The following ATE1 variants were observed in gnomAD, a reference collection of about 807,000 sequenced individuals.
ATE1 encodes the protein arginyl-tRNA--protein transferase 1.
A neutral mutation model predicts 70.5 loss-of-function variants in ATE1; 36 were observed. The ratio of observed to expected loss-of-function variants is 0.51; its 90% CI spans 0.39 to 0.67. ATE1 has a LOEUF of 0.67. Among genes scored for constraint, ATE1 ranks in the 30% least tolerant of loss-of-function variants. The pLI is 0.00. For missense variants in ATE1, 593 were observed against 629.5 expected (o/e 0.94, Z 0.62); for synonymous variants, 232 against 219.3 (o/e 1.06, Z -0.51).
chr10:121,885,700 G>A (rs1384729565), intron 7 of ATE1, among the ~76,000 whole-genome samples: 1 of 152,028 alleles, frequency 6.6e-6, no homozygotes, highest in East Asian at 1.9e-4. Flanking sequence ...CAGAGTTCCT[G>A]ACCAGGTTGG....
At chr10:121,810,020 G>A (rs1947257923) in intron 10 of ATE1, among the ~76,000 whole-genome samples, 4 of 152,154 alleles carry the variant, frequency 2.6e-5, no homozygotes, top group African/African-American at 9.7e-5. Context: ...CTGAACCAGT[G>A]ATGTCCAATT....
chr10:121,906,520 C>T (rs888710557), intron 5 of ATE1, among the ~76,000 whole-genome samples: 3 of 137,024 alleles, frequency 2.2e-5, no homozygotes, highest in African/African-American at 7.6e-5. Flanking sequence ...CAGAGTAAGA[C>T]CCTGTCTCAA....
intron 3 of ATE1, among the ~76,000 whole-genome samples, chr10:121,915,616 G>A (rs1951618111): frequency 6.6e-6 from 1 of 152,056 alleles, no homozygotes; most frequent in Non-Finnish European, 1.5e-5. Context: ...GAGGCCGGGC[G>A]CCGTGGCTCA....
chr10:121,743,425 C>T lies in ATE1; in HGVS notation c.*255G>A. On this transcript the variant is annotated 3_prime_UTR_variant, in exon 12 of 12. Coordinates refer to ENST00000224652, the MANE Select transcript of ATE1 (RefSeq NM_001001976.3). ...AACAGGAGAATTTGAGCGTATCTTG[C>T]TCTAGAAAGAATCCTCCAAAATGAT... 1 of 540,846 alleles carries T rather than the reference C, an allele frequency of 1.8e-6. No homozygotes were observed. Among genetic ancestry groups the T allele is most frequent in the Non-Finnish European group, 2.6e-6 (1 of 380,678 alleles). 33.5% of individuals were successfully genotyped at this position (540,846 alleles called of 1,614,324 possible).
chr10:121,806,253 A>T (rs1947091233), intron 10 of ATE1, among the ~76,000 whole-genome samples: 1 of 152,174 alleles, frequency 6.6e-6, no homozygotes, highest in African/African-American at 2.4e-5. Context: ...GGAGTTCGAG[A>T]CCAATCTGGC....
At chr10:121,837,847 C>T (rs560817402) in intron 9 of ATE1, among the ~76,000 whole-genome samples, 25 of 152,228 alleles carry the variant, frequency 1.6e-4, no homozygotes, top group East Asian at 3.9e-4. Flanking sequence ...CACAAGCAAG[C>T]GTAAGACCAC....
chr10:121,851,087 T>C (rs1164618307), intron 8 of ATE1, among the ~76,000 whole-genome samples: 1 of 47,582 alleles, frequency 2.1e-5, no homozygotes, highest in African/African-American at 9.4e-5. Context: ...CGAGACTCCA[T>C]CTCAAAAAAA....
intron 11 of ATE1, among the ~76,000 whole-genome samples, chr10:121,781,679 G>A (rs1410067534): frequency 6.6e-6 from 1 of 152,230 alleles, no homozygotes; most frequent in Non-Finnish European, 1.5e-5. Flanking sequence ...AGCTAAGACA[G>A]TCTCCTTAAC....
intron 10 of ATE1, among the ~76,000 whole-genome samples, chr10:121,831,469 T>C (rs1948234542): frequency 6.6e-6 from 1 of 152,162 alleles, no homozygotes. Flanking sequence ...CTCCCTCCTC[T>C]GCACTCGTGT....
At chr10:121,818,063 AG>A (rs1947629753) in intron 10 of ATE1, among the ~76,000 whole-genome samples, 1 of 152,094 alleles carries the variant, frequency 6.6e-6, no homozygotes, top group East Asian at 1.9e-4. Context: ...CAGGAATTCA[AG>A]ACCAGCCTGG....
rs980265811 is a variant in ATE1, at chr10:121,765,794, T to C, written c.1379-21936A>G. Among the ~76,000 whole-genome samples, 8 of 152,226 alleles carry C rather than the reference T, an allele frequency of 5.3e-5. 1 individual carries two copies. Among genetic ancestry groups the C allele is most frequent in the African/African-American group, 1.9e-4 (8 of 41,452 alleles). On this transcript the variant is annotated intron_variant, in intron 11 of 11. Coordinates refer to ENST00000224652, the MANE Select transcript of ATE1 (RefSeq NM_001001976.3). ...TGTCACTTTATATCTTAGTGCAATA[T>C]TCTGATTCACTATTTTGGTATTAGA...
intron 8 of ATE1, chr10:121,846,658 T>C (rs1364605875): frequency 5.3e-5 from 8 of 152,128 alleles, no homozygotes; most frequent in Non-Finnish European, 5.9e-5. Context: ...ACAGATTTCT[T>C]TGTTCCTTCT....
intron 10 of ATE1, among the ~76,000 whole-genome samples, chr10:121,813,695 A>G (rs1263980801): frequency 6.6e-6 from 1 of 152,188 alleles, no homozygotes; most frequent in African/African-American, 2.4e-5. Flanking sequence ...AGAGATCATA[A>G]TTCAAGAACT....
At chr10:121,784,892 A>G (rs1342475655) in intron 11 of ATE1, among the ~76,000 whole-genome samples, 1 of 152,146 alleles carries the variant, frequency 6.6e-6, no homozygotes, top group Non-Finnish European at 1.5e-5. Context: ...AATACAATAG[A>G]GTGATATTTT....
intron 3 of ATE1, among the ~76,000 whole-genome samples, chr10:121,918,288 G>A (rs1427500524): frequency 6.7e-6 from 1 of 150,328 alleles, no homozygotes; most frequent in Non-Finnish European, 1.5e-5. Flanking sequence ...AGCAGAGATC[G>A]CGCCACTGCA....
At chr10:121,795,611 T>C (rs1446624212) in intron 10 of ATE1, among the ~76,000 whole-genome samples, 1 of 152,220 alleles carries the variant, frequency 6.6e-6, no homozygotes, top group Non-Finnish European at 1.5e-5. Context: ...AATCACGTTT[T>C]TAGACTAGGT....
At chr10:121,886,300 A>AAG (rs1015720282) in intron 7 of ATE1, among the ~76,000 whole-genome samples, 2 of 151,766 alleles carry the variant, frequency 1.3e-5, no homozygotes, top group Non-Finnish European at 2.9e-5. Flanking sequence ...GATTTAAAAA[A>AAG]AAAAAAAACC....
intron 5 of ATE1, among the ~76,000 whole-genome samples, chr10:121,905,292 T>A (rs939131530): frequency 6.6e-6 from 1 of 152,244 alleles, no homozygotes; most frequent in East Asian, 1.9e-4. Flanking sequence ...AATAATGTTT[T>A]ACCTATATAA....
At chr10:121,820,861 C>T (rs560949820) in intron 10 of ATE1, among the ~76,000 whole-genome samples, 1 of 152,350 alleles carries the variant, frequency 6.6e-6, no homozygotes, top group South Asian at 2.1e-4. Context: ...CACCCTGTCT[C>T]ACACCATATA....
Sources: allele counts gnomAD v4.1 joint callset (sites outside exome capture counted in the v4.1 genomes callset), GRCh38; gene constraint gnomAD v4.1.1; transcripts MANE v1.5; gene names NCBI Gene and HGNC (gene_info 2026-07-23, HGNC 2026-07-21).